The following RPH3A variants were observed in gnomAD, a reference collection of about 807,000 sequenced individuals.
RPH3A encodes the protein rabphilin 3A.
Under a neutral mutation model 102.2 loss-of-function variants are expected in RPH3A, and 48 were observed. The observed-to-expected ratio is 0.47, with a 90% confidence interval of 0.37 to 0.60. RPH3A has a LOEUF of 0.60. Among genes scored for constraint, RPH3A ranks in the 20% least tolerant of loss-of-function variants. RPH3A has a pLI of 0.00. For missense variants in RPH3A, 781 were observed against 910.1 expected, an observed-to-expected ratio of 0.86 and a Z score of 1.83; for synonymous variants, 310 against 324.3, an observed-to-expected ratio of 0.96 and a Z score of 0.47.
At chr12:112,839,660 G>C (rs1423262631) in intron 4 of RPH3A, among the ~76,000 whole-genome samples, 1 of 152,212 alleles carries the variant, frequency 6.6e-6, no homozygotes, top group African/African-American at 2.4e-5. Context: ...CCCACAGCAA[G>C]TCCTAAGTCT....
At chr12:112,651,376 A>C (rs946303435) in intron 1 of RPH3A, among the ~76,000 whole-genome samples, 2 of 126,146 alleles carry the variant, frequency 1.6e-5, no homozygotes, top group East Asian at 2.1e-4. Flanking sequence ...TACCAAAAAA[A>C]CCCCCAAAAA....
chr12:112,894,697 T>A (rs1303746432), intron 20 of RPH3A, 38 bp downstream of exon 20: 1 of 1,590,970 alleles, frequency 6.3e-7, no homozygotes, highest in Non-Finnish European at 8.6e-7. Flanking sequence ...TCTGGGATAT[T>A]TGCTGTGTGT....
intron 1 of RPH3A, among the ~76,000 whole-genome samples, chr12:112,657,774 A>G (rs1190755217): frequency 6.6e-6 from 1 of 152,198 alleles, no homozygotes; most frequent in Admixed American, 6.5e-5. Context: ...ATTGCCATGA[A>G]AAAATGAAAT....
At position 112,816,163 on chromosome 12, in the gene RPH3A, G is replaced by A. The variant is rs529003177; in HGVS notation, c.-18-12138G>A. On this transcript the variant is annotated intron_variant, in intron 2 of 21. Transcript: ENST00000389385. ...TTATTTCTGTGGGCTCATTTCAAAT[G>A]CACGCTCTGTTGTGACCTCCTGGCT... is the stretch of plus-strand genomic sequence containing the variant. 5.3e-5 allele frequency among the ~76,000 whole-genome samples: 8 copies of A among 152,284 alleles called. No individual in the cohort carries two copies. The South Asian group carries it at 1.7e-3, about 32-fold the overall frequency.
intron 1 of RPH3A, among the ~76,000 whole-genome samples, chr12:112,642,932 G>T (rs2039901252): frequency 6.6e-6 from 1 of 152,148 alleles, no homozygotes; most frequent in Non-Finnish European, 1.5e-5. Context: ...TCAAATATGG[G>T]TGCTACTGGC....
chr12:112,610,713 G>A (rs916328228), intron 1 of RPH3A, among the ~76,000 whole-genome samples: 1 of 151,932 alleles, frequency 6.6e-6, no homozygotes, highest in African/African-American at 2.4e-5. Flanking sequence ...CTCACTGCAA[G>A]CTCCGTCTCC....
chr12:112,693,905 T>C (rs1010908675), intron 1 of RPH3A, among the ~76,000 whole-genome samples: 5 of 152,270 alleles, frequency 3.3e-5, no homozygotes, highest in Non-Finnish European at 7.3e-5. Context: ...TGTTCTCCAT[T>C]GTGCCTTGCA....
At position 112,601,800 on chromosome 12, in the gene RPH3A, C is replaced by T. The variant is rs1233475930; in HGVS notation, c.-140+26481C>T. On this transcript the variant is annotated intron_variant, in intron 1 of 21. Coordinates refer to the RPH3A transcript ENST00000543106. The stretch of plus-strand genomic sequence containing the variant: ...CAAAAAAATTAGCCAGGTGTAGTGG[C>T]ACACACCTGTGTAGACTGTGGTCCC... Among the ~76,000 whole-genome samples the T allele has an allele frequency of 7.2e-5, 11 of 151,932 alleles. 1 individual carries two copies. The highest frequency in any genetic ancestry group is 7.2e-4 in the Admixed American group (11 of 15,260).
intron 3 of RPH3A, among the ~76,000 whole-genome samples, chr12:112,831,439 A>G (rs981872444): frequency 6.6e-6 from 1 of 152,242 alleles, no homozygotes; most frequent in Admixed American, 6.5e-5. Flanking sequence ...AAGGTGATTA[A>G]AACACTCTTA....
chr12:112,836,399 G>T, intron 3 of RPH3A, 92 bp from the exon 4 acceptor site: 1 of 631,818 alleles, frequency 1.6e-6, no homozygotes, highest in Non-Finnish European at 2.6e-6. Context: ...CAAGCTACGT[G>T]AGTGTTGCAT....
intron 1 of RPH3A, among the ~76,000 whole-genome samples, chr12:112,739,334 T>G (rs2040691925): frequency 6.6e-6 from 1 of 152,196 alleles, no homozygotes; most frequent in Non-Finnish European, 1.5e-5. Context: ...TTGTGAAGTG[T>G]ATAATTCTAT....
intron 4 of RPH3A, among the ~76,000 whole-genome samples, chr12:112,841,276 C>T (rs565844978): frequency 6.8e-6 from 1 of 146,856 alleles, no homozygotes; most frequent in East Asian, 2.1e-4. Context: ...TTCCTCTAAA[C>T]TCAAGAGCCA....
At chr12:112,810,741 T>C (rs1441756624) in intron 2 of RPH3A, among the ~76,000 whole-genome samples, 1 of 152,212 alleles carries the variant, frequency 6.6e-6, no homozygotes, top group Non-Finnish European at 1.5e-5. Flanking sequence ...ATCTGCCCCT[T>C]GAATCCACCA....
chr12:112,858,753 A>G (rs960135657), intron 5 of RPH3A, among the ~76,000 whole-genome samples: 3 of 152,242 alleles, frequency 2.0e-5, no homozygotes, highest in Non-Finnish European at 4.4e-5. Flanking sequence ...TGAATAGCCC[A>G]TCTGCCTCCA....
At chr12:112,841,200 G>T (rs962849909) in intron 4 of RPH3A, among the ~76,000 whole-genome samples, 1 of 66,750 alleles carries the variant, frequency 1.5e-5, no homozygotes, top group Admixed American at 1.5e-4. Context: ...AAAAAGCCTC[G>T]TTGGAAAAAA....
chr12:112,826,322 A>C (rs2041871917), intron 2 of RPH3A, among the ~76,000 whole-genome samples: 1 of 152,184 alleles, frequency 6.6e-6, no homozygotes, highest in South Asian at 2.1e-4. Flanking sequence ...AGTGGAAGGA[A>C]AAGAGAAGGA....
chr12:112,777,819 G>A (rs569060915), intron 1 of RPH3A, among the ~76,000 whole-genome samples: 43 of 152,360 alleles, frequency 2.8e-4, no homozygotes, highest in African/African-American at 1.0e-3. Context: ...TCACAATACC[G>A]CAGCAGGATG....
intron 1 of RPH3A, among the ~76,000 whole-genome samples, chr12:112,686,932 G>A (rs925006045): frequency 3.3e-5 from 5 of 152,106 alleles, no homozygotes; most frequent in African/African-American, 7.2e-5. Flanking sequence ...AGAAGTTTGC[G>A]ACACCGTCTC....
chr12:112,611,233 G>A lies in RPH3A; in HGVS notation c.-140+35914G>A, dbSNP rs554699356. On this transcript the variant is annotated intron_variant, in intron 1 of 21. Coordinates refer to the RPH3A transcript ENST00000543106. ...ATCAGTTTCACTGATCAAATGCAAT[G>A]GTATCTTTTCATTTTCACAGGAGAG... Among the ~76,000 whole-genome samples, 4 of 152,236 alleles carry A rather than the reference G, an allele frequency of 2.6e-5. 1 individual carries two copies. The highest frequency in any genetic ancestry group is 2.6e-4 in the Admixed American group (4 of 15,282).
Sources: allele counts gnomAD v4.1 joint callset (sites outside exome capture counted in the v4.1 genomes callset), GRCh38; gene constraint gnomAD v4.1.1; transcripts MANE v1.5; gene names NCBI Gene and HGNC (gene_info 2026-07-23, HGNC 2026-07-21).